Variants in FAM117B observed in about 807,000 individuals in gnomAD.
FAM117B encodes family with sequence similarity 117 member B.
A neutral mutation model predicts 52.8 loss-of-function variants in FAM117B; 22 were observed. The observed-to-expected ratio is 0.42, with a 90% confidence interval of 0.30 to 0.59. The LOEUF (loss-of-function observed/expected upper bound fraction) is 0.59, where lower values mean the gene tolerates loss of function less well. Ranked by LOEUF, FAM117B falls within the 20% of genes least tolerant of loss-of-function variation. The pLI, the probability that FAM117B is intolerant of heterozygous loss-of-function variation, is 0.22. For synonymous variants in FAM117B, 309 were observed against 324.1 expected (o/e 0.95, Z 0.50); for missense variants, 678 against 802.6 (o/e 0.84, Z 1.88).
At position 202,766,109 on chromosome 2, in the gene FAM117B, CCTGATCCTTGCCA is replaced by C; in HGVS notation, c.*346_*358del. The C allele has an allele frequency of 5.0e-6, 1 of 198,872 alleles. No homozygotes were observed. Among genetic ancestry groups the C allele is most frequent in the South Asian group, 1.4e-4 (1 of 7,404 alleles). 12.3% of individuals were successfully genotyped at this position (198,872 alleles called of 1,614,324 possible). A position where few individuals can be genotyped will look rare whatever the true frequency, so the allele number is the denominator to read the frequency against. On this transcript the variant is annotated 3_prime_UTR_variant, in exon 8 of 8. Transcript: ENST00000392238. ...ACACACACACACACACACACACACC[CCTGATCCTTGCCA>C]ACATGATTCCTAAAGGGAGATGTGA...
chr2:202,757,833 T>G (rs1439359913), intron 6 of FAM117B, among the ~76,000 whole-genome samples: 2 of 152,230 alleles, frequency 1.3e-5, no homozygotes, highest in Non-Finnish European at 2.9e-5. Context: ...TTTTTTAGGA[T>G]CTGTACTTGT....
At chr2:202,662,174 T>TG (rs1690140963) in intron 1 of FAM117B, among the ~76,000 whole-genome samples, 2 of 151,758 alleles carry the variant, frequency 1.3e-5, no homozygotes, top group African/African-American at 2.4e-5. Flanking sequence ...GTGTACAGAC[T>TG]GGTAGTATAT....
At chr2:202,720,548 A>T (rs565642896) in intron 2 of FAM117B, among the ~76,000 whole-genome samples, 2 of 152,094 alleles carry the variant, frequency 1.3e-5, no homozygotes, top group East Asian at 3.9e-4. Flanking sequence ...TAAAAAAATT[A>T]ACAATTCCAT....
intron 1 of FAM117B, among the ~76,000 whole-genome samples, chr2:202,663,945 G>C (rs1690166764): frequency 6.6e-6 from 1 of 152,074 alleles, no homozygotes; most frequent in African/African-American, 2.4e-5. Flanking sequence ...TTTCATTTTT[G>C]TTAACTGTCC....
In FAM117B at chr2:202,767,183, G is replaced by A. The variant is rs1392934550; in HGVS notation, c.*1419G>A. On this transcript the variant is annotated 3_prime_UTR_variant, in exon 8 of 8. Coordinates refer to ENST00000392238, the MANE Select transcript of FAM117B (RefSeq NM_173511.4). ...TTTTTTTTTTTTTTTTTTTTGAGACGGAGTTTCACTCTTGTTGCCCAGGCT... is the reference window on the plus strand; with the variant it reads ...TTTTTTTTTTTTTTTTTTTTGAGACAGAGTTTCACTCTTGTTGCCCAGGCT... The A allele has an allele frequency of 8.0e-6, 1 of 125,132 alleles. No individual in the cohort carries two copies. The highest frequency in any genetic ancestry group is 1.6e-5 in the Non-Finnish European group (1 of 61,468). 7.8% of individuals were successfully genotyped at this position (125,132 alleles called of 1,614,324 possible).
chr2:202,676,025 G>A (rs1690373583), intron 1 of FAM117B, among the ~76,000 whole-genome samples: 2 of 151,458 alleles, frequency 1.3e-5, no homozygotes, highest in South Asian at 2.1e-4. Flanking sequence ...AAAAGTGATG[G>A]GATGTCACTT....
intron 2 of FAM117B, among the ~76,000 whole-genome samples, chr2:202,702,580 A>C (rs762544447): frequency 5.9e-5 from 9 of 151,762 alleles, no homozygotes; most frequent in Non-Finnish European, 1.2e-4. Context: ...TTGAGACGGA[A>C]TCTTGCTCTG....
chr2:202,638,686 T>C (rs1444787209), intron 1 of FAM117B, among the ~76,000 whole-genome samples: 2 of 152,164 alleles, frequency 1.3e-5, no homozygotes, highest in Non-Finnish European at 2.9e-5. Context: ...AAAAATAATT[T>C]GGCCAGGCGC....
chr2:202,739,170 C>G (rs1057178632), intron 4 of FAM117B, among the ~76,000 whole-genome samples: 2 of 152,152 alleles, frequency 1.3e-5, no homozygotes, highest in African/African-American at 4.8e-5. Context: ...GCCTGGATGA[C>G]AGAGTGAGAC....
intron 2 of FAM117B, among the ~76,000 whole-genome samples, chr2:202,723,702 T>C: frequency 6.6e-6 from 1 of 152,248 alleles, no homozygotes; most frequent in East Asian, 1.9e-4. Flanking sequence ...TCAGTCTTAC[T>C]TGTAAGAACA....
At chr2:202,736,755 C>G (rs186631748) in intron 4 of FAM117B, among the ~76,000 whole-genome samples, 50 of 152,060 alleles carry the variant, frequency 3.3e-4, no homozygotes, top group African/African-American at 1.1e-3. Context: ...AGAGGGAGAC[C>G]CTGCTTTAGT....
chr2:202,651,339 G>A (rs752172204), intron 1 of FAM117B, among the ~76,000 whole-genome samples: 10 of 150,856 alleles, frequency 6.6e-5, no homozygotes, highest in Non-Finnish European at 1.2e-4. Context: ...TGGATCACAG[G>A]TGTGAGCCAC....
chr2:202,673,254 T>A lies in FAM117B; in HGVS notation c.602-22627T>A, dbSNP rs538832644. 4.6e-5 allele frequency among the ~76,000 whole-genome samples: 7 copies of A among 152,118 alleles called. No homozygotes were observed. The South Asian group carries it at 1.5e-3, about 32-fold the overall frequency. ...GAGTCCAGAAGGGAGCTATGGAGTG[T>A]TTACAAACTGAAGCAGTGTGAACTT... is the stretch of plus-strand genomic sequence containing the variant. On this transcript the variant is annotated intron_variant, in intron 1 of 7. Coordinates refer to ENST00000392238, the MANE Select transcript of FAM117B (RefSeq NM_173511.4).
intron 4 of FAM117B, among the ~76,000 whole-genome samples, chr2:202,733,316 A>G (rs935112034): frequency 2.6e-5 from 4 of 152,244 alleles, no homozygotes; most frequent in Non-Finnish European, 2.9e-5. Context: ...AGCTGTGCAC[A>G]TATTGTCTTG....
intron 1 of FAM117B, among the ~76,000 whole-genome samples, chr2:202,652,909 T>C (rs2105757449): frequency 6.6e-6 from 1 of 152,218 alleles, no homozygotes; most frequent in East Asian, 1.9e-4. Flanking sequence ...ACTTGCAAGA[T>C]TTAAGTGAGA....
At chr2:202,735,140 A>G (rs1483395791) in intron 4 of FAM117B, among the ~76,000 whole-genome samples, 1 of 152,154 alleles carries the variant, frequency 6.6e-6, no homozygotes, top group Non-Finnish European at 1.5e-5. Flanking sequence ...ATTCTGTAGA[A>G]CATTTTCCTA....
intron 1 of FAM117B, among the ~76,000 whole-genome samples, chr2:202,642,600 G>T (rs1689788632): frequency 6.6e-6 from 1 of 152,066 alleles, no homozygotes. Flanking sequence ...ACTCAGTTGT[G>T]GATGTATTTG....
rs1221378404 is a variant in FAM117B at position 202,635,362 on chromosome 2, G to A, written c.175G>A (p.Gly59Ser). The A allele has an allele frequency of 2.2e-6, 3 of 1,368,334 alleles. No homozygotes were observed. Among genetic ancestry groups the A allele is most frequent in the African/African-American group, 1.5e-5 (1 of 65,936 alleles). The allele number at this position is 1,368,334 out of a possible 1,614,324, so 84.8% of individuals were successfully genotyped here. Reference protein sequence around the residue: ...QQHGSPTRSGGGGGGNNNGGC... With the variant: ...QQHGSPTRSGSGGGGNNNGGC... Reference sequence around the variant, plus strand: ...ACATGGCAGCCCCACGCGGAGCGGCGGCGGCGGCGGCGGCAACAACAACGG... The same window carrying A: ...ACATGGCAGCCCCACGCGGAGCGGCAGCGGCGGCGGCGGCAACAACAACGG... Residue 59 changes from glycine (G) to serine (S), a missense_variant, in exon 1 of 8, where the codon GGC (glycine) becomes AGC (serine). By Grantham distance (56) the Gly-to-Ser change is moderately conservative (BLOSUM62 0). Coordinates refer to ENST00000392238, the MANE Select transcript of FAM117B (RefSeq NM_173511.4).
chr2:202,743,065 C>T (rs1395391344), intron 4 of FAM117B, among the ~76,000 whole-genome samples: 1 of 152,208 alleles, frequency 6.6e-6, no homozygotes, highest in Non-Finnish European at 1.5e-5. Flanking sequence ...GGCACCTGAG[C>T]ATGCCACATG....
Sources: gnomAD v4.1 joint callset for allele counts (sites outside exome capture counted in the v4.1 genomes callset) on GRCh38, gnomAD v4.1.1 for gene constraint, MANE v1.5 for transcripts, NCBI Gene and HGNC (gene_info 2026-07-23, HGNC 2026-07-21) for gene names.